NIPBL: variants seen among roughly 807,000 people sequenced by gnomAD.
NIPBL encodes nipped-B-like protein.
NIPBL carries 19 observed loss-of-function variants against 321.8 expected under a neutral mutation model. That is an observed-to-expected ratio of 0.06 (90% CI 0.04 to 0.09). NIPBL has a LOEUF of 0.09. NIPBL is among the 10% of genes least tolerant of loss of function. NIPBL has a pLI of 1.00. For synonymous variants in NIPBL, 1,106 were observed against 1,114.1 expected, an observed-to-expected ratio of 0.99 and a Z score of 0.14; for missense variants, 2,210 against 3,327.0, an observed-to-expected ratio of 0.66 and a Z score of 8.26.
intron 31 of NIPBL, among the ~76,000 whole-genome samples, 166 bp from the exon 32 acceptor site, chr5:37,027,193 C>G (rs995625887): frequency 6.6e-6 from 1 of 152,094 alleles, no homozygotes; most frequent in Non-Finnish European, 1.5e-5. Context: ...GAATAAAGTT[C>G]TGTAACGTTG....
Position 37,020,646 on chromosome 5 carries a change from C to T in NIPBL, c.5198C>T (p.Thr1733Ile), listed in dbSNP as rs200053064. ...RKKFLRSIIK[T>I]TPSQFSTLKM... Reference sequence around the variant, plus strand: ...AAGTTTCTTAGAAGCATTATCAAAACCACACCTTCTCAGTTTAGCACATTA... The same window carrying T: ...AAGTTTCTTAGAAGCATTATCAAAATCACACCTTCTCAGTTTAGCACATTA... The change falls in exon 26 of 47, where the codon ACC becomes ATC. Residue 1733 changes from threonine to isoleucine, a missense_variant. Coordinates refer to ENST00000282516, the MANE Select transcript of NIPBL (RefSeq NM_133433.4). 2 of 1,614,016 alleles carry T rather than the reference C, an allele frequency of 1.2e-6. No homozygotes were observed. Among genetic ancestry groups the T allele is most frequent in the Non-Finnish European group, 8.5e-7 (1 of 1,179,958 alleles).
At chr5:37,052,017 C>G in intron 41 of NIPBL, 131 bp downstream of exon 41, 2 of 748,308 alleles carry the variant, frequency 2.7e-6, no homozygotes, top group Non-Finnish European at 4.6e-6. Context: ...TCTAAACATG[C>G]AACTAAGTTA....
chr5:36,899,595 T>A (rs1179586561), intron 1 of NIPBL, among the ~76,000 whole-genome samples: 1 of 152,234 alleles, frequency 6.6e-6, no homozygotes, highest in Admixed American at 6.5e-5. Context: ...AATTTTTAAA[T>A]AGGTTTAAAA....
chr5:36,890,495 C>T (rs1335511639), intron 1 of NIPBL, among the ~76,000 whole-genome samples: 12 of 152,156 alleles, frequency 7.9e-5, no homozygotes, highest in African/African-American at 2.7e-4. Context: ...TAAATGCTCC[C>T]GTTTCCCACT....
intron 32 of NIPBL, among the ~76,000 whole-genome samples, chr5:37,028,306 T>C (rs1299253846): frequency 6.6e-6 from 1 of 151,358 alleles, no homozygotes; most frequent in East Asian, 1.9e-4. Flanking sequence ...CTCCTTTTCT[T>C]TCTTTCTTCT....
intron 9 of NIPBL, among the ~76,000 whole-genome samples, chr5:36,979,398 A>G (rs1342390139): frequency 6.6e-6 from 1 of 151,880 alleles, no homozygotes; most frequent in East Asian, 1.9e-4. Context: ...CTCGAACGTT[A>G]TTGGTGTATA....
In NIPBL at chr5:37,020,604, G is replaced by A. The variant is rs1749512227; in HGVS notation, c.5156G>A (p.Arg1719Gln). The change falls in exon 26 of 47, where the codon CGA (arginine) becomes CAA (glutamine). Residue 1719 changes from arginine (R) to glutamine (Q), a missense_variant. By Grantham distance (43) the Arg-to-Gln change is conservative (BLOSUM62 1). Around this residue, in one of 14 missense-constraint regions of NIPBL, gnomAD observed 138 missense variants for 175.8 expected, o/e 0.79. Transcript: ENST00000282516. The part of the protein sequence containing the change: ...EIETTGQIMH[R>Q]AENRKKFLRS... ...GAGACAACTGGCCAAATTATGCATC[G>A]AGCTGAAAACCGAAAAAAGTTTCTT... 1 of 1,614,034 alleles carries A rather than the reference G, an allele frequency of 6.2e-7. No homozygotes were observed. Among genetic ancestry groups the A allele is most frequent in the Non-Finnish European group, 8.5e-7 (1 of 1,179,998 alleles).
At chr5:36,889,478 A>G (rs16903380) in intron 1 of NIPBL, among the ~76,000 whole-genome samples, 5,193 of 152,118 alleles carry the variant, frequency 0.034, 286 homozygotes, top group African/African-American at 0.11. Context: ...AATCTTTCCA[A>G]TTACTCATGT....
intron 1 of NIPBL, among the ~76,000 whole-genome samples, chr5:36,921,379 T>C (rs1748930127): frequency 6.6e-6 from 1 of 152,244 alleles, no homozygotes; most frequent in South Asian, 2.1e-4. Flanking sequence ...TAGTCTGTTA[T>C]ACTACTCACA....
chr5:36,961,384 AAATCTCTGGAAT>A, intron 4 of NIPBL, 88 bp from the exon 5 acceptor site: 1 of 787,016 alleles, frequency 1.3e-6, no homozygotes, highest in Non-Finnish European at 2.2e-6. Context: ...TTGATCAAAA[AAATCTCTGGAAT>A]GTTTGAAAGA....
chr5:36,909,935 G>T (rs1160830815), intron 1 of NIPBL, among the ~76,000 whole-genome samples: 1 of 152,088 alleles, frequency 6.6e-6, no homozygotes, highest in African/African-American at 2.4e-5. Flanking sequence ...AATTAGTTGG[G>T]CATGGTGGTG....
intron 1 of NIPBL, among the ~76,000 whole-genome samples, chr5:36,891,020 C>T (rs1212903160): frequency 6.6e-6 from 1 of 152,162 alleles, no homozygotes; most frequent in Non-Finnish European, 1.5e-5. Flanking sequence ...AATCCCAGCA[C>T]TTTGGGAGGC....
At position 37,065,178 on chromosome 5, in the gene NIPBL, G is replaced by C; in HGVS notation, c.*286G>C. 2.3e-6 allele frequency: 1 copy of C among 428,016 alleles called. No homozygotes were observed. Among genetic ancestry groups the C allele is most frequent in the South Asian group, 2.4e-5 (1 of 41,522 alleles). 26.5% of individuals were successfully genotyped at this position (428,016 alleles called of 1,614,324 possible). ...CTTTCTGTTTAAAAAAAATAAACAAGTGAATGTTGGAAATTAGTCTGTTAA... is the reference window on the plus strand; with the variant it reads ...CTTTCTGTTTAAAAAAAATAAACAACTGAATGTTGGAAATTAGTCTGTTAA... On this transcript the variant is annotated 3_prime_UTR_variant, in exon 47 of 47. Coordinates refer to ENST00000282516, the MANE Select transcript of NIPBL (RefSeq NM_133433.4).
intron 45 of NIPBL, among the ~76,000 whole-genome samples, chr5:37,061,810 CA>C: frequency 6.6e-6 from 1 of 152,200 alleles, no homozygotes; most frequent in Middle Eastern, 3.4e-3. Context: ...TGTTATACTG[CA>C]TTTTTTTTAA....
chr5:36,877,014 G>A lies in NIPBL; in HGVS notation c.-244G>A. 2 of 379,494 alleles carry A rather than the reference G, an allele frequency of 5.3e-6. No homozygotes were observed. The highest frequency in any genetic ancestry group is 6.6e-4 in the Middle Eastern group (1 of 1,516). 23.5% of individuals were successfully genotyped at this position (379,494 alleles called of 1,614,324 possible). ...GGAGAAGGAGGAGGAGGAGGAAGAA[G>A]AAGCAACGATTTGTCTTCTCGGCTG... is the stretch of plus-strand genomic sequence containing the variant. On this transcript the variant is annotated 5_prime_UTR_variant, in exon 1 of 47. Transcript: ENST00000282516.
chr5:37,027,673 C>T (rs1273760973), intron 32 of NIPBL, among the ~76,000 whole-genome samples: 1 of 128,824 alleles, frequency 7.8e-6, no homozygotes, highest in Non-Finnish European at 1.5e-5. Context: ...GGCTGGAGTG[C>T]AGTGGCACAA....
rs1419457941 is a variant in NIPBL at position 36,918,315 on chromosome 5, GCTCT to G, written c.-79-35300_-79-35297del. 6.6e-5 allele frequency among the ~76,000 whole-genome samples: 10 copies of G among 152,066 alleles called. No individual in the cohort carries two copies. In the South Asian group the frequency reaches 1.9e-3, roughly 28 times the overall value. Reference sequence around the variant, plus strand: ...TGAGTGGGAGTTCACTCATGATTTGGCTCTCTGTTTGTCTGTTATTGGTGTTTAA... The same window carrying G: ...TGAGTGGGAGTTCACTCATGATTTGGCTGTTTGTCTGTTATTGGTGTTTAA... On this transcript the variant is annotated intron_variant, in intron 1 of 46. Transcript: ENST00000282516.
rs775983523 is a variant in NIPBL at position 36,976,430 on chromosome 5, A to G, written c.1495+28A>G. On this transcript the variant is annotated intron_variant, in intron 9 of 46. Coordinates refer to ENST00000282516, the MANE Select transcript of NIPBL (RefSeq NM_133433.4). Reference sequence around the variant, plus strand: ...AAAATAATCTCATTATTACCACTTCATCATCTGGGCAAATATGTAATTATA... The same window carrying G: ...AAAATAATCTCATTATTACCACTTCGTCATCTGGGCAAATATGTAATTATA... The G allele has an allele frequency of 2.5e-6, 4 of 1,599,224 alleles. No individual in the cohort carries two copies. The South Asian group carries it at 4.4e-5, about 18-fold the overall frequency.
intron 24 of NIPBL, 26 bp downstream of exon 24, chr5:37,017,188 T>A: frequency 6.3e-7 from 1 of 1,575,174 alleles, no homozygotes; most frequent in African/African-American, 1.3e-5. Context: ...ATTAAAATTA[T>A]GGGAATGAAT....
Sources: gnomAD v4.1 joint callset for allele counts (sites outside exome capture counted in the v4.1 genomes callset) on GRCh38, gnomAD v4.1.1 for gene constraint, gnomAD v4.1.1 regional missense constraint, MANE v1.5 for transcripts, NCBI Gene and HGNC (gene_info 2026-07-23, HGNC 2026-07-21) for gene names.